The following KLHL7 variants were observed in gnomAD, a reference collection of about 807,000 sequenced individuals.
KLHL7 encodes kelch-like protein 7.
In KLHL7, 44 loss-of-function variants were observed where a neutral mutation model predicts 67.4. That is an observed-to-expected ratio of 0.65 (90% CI 0.51 to 0.84). KLHL7 has a LOEUF of 0.84. Ranked by LOEUF, KLHL7 falls within the 40% of genes least tolerant of loss-of-function variation. KLHL7 has a pLI of 0.00. For synonymous variants in KLHL7, 252 were observed against 243.3 expected, an observed-to-expected ratio of 1.04 and a Z score of -0.33; for missense variants, 362 against 718.1, an observed-to-expected ratio of 0.50 and a Z score of 5.67.
In KLHL7 at chr7:23,106,161, GGA is replaced by G. The variant is rs1297255021; in HGVS notation, c.120+17_120+18del. The G allele has an allele frequency of 6.2e-7, 1 of 1,608,162 alleles. No individual in the cohort carries two copies. Among genetic ancestry groups the G allele is most frequent in the African/African-American group, 1.3e-5 (1 of 74,892 alleles). ...TGCGGAAACAGGTACCGCCTCTGTGGGAGTGACGGACGACGGTGGGAGGTGGT... is the reference window on the plus strand; with the variant it reads ...TGCGGAAACAGGTACCGCCTCTGTGGGTGACGGACGACGGTGGGAGGTGGT... On this transcript the variant is annotated intron_variant, in intron 1 of 10. Transcript: ENST00000339077.
intron 4 of KLHL7, among the ~76,000 whole-genome samples, chr7:23,131,941 A>G (rs770024615): frequency 4.6e-5 from 7 of 152,044 alleles, no homozygotes; most frequent in Non-Finnish European, 1.0e-4. Context: ...CACTTAACAT[A>G]ATTATCTCCA....
intron 2 of KLHL7, 54 bp from the exon 3 acceptor site, chr7:23,124,634 C>A: frequency 9.5e-7 from 1 of 1,053,152 alleles, no homozygotes; most frequent in Non-Finnish European, 1.5e-6. Flanking sequence ...CGTGGTTCCT[C>A]AGTCAAACTT....
intron 1 of KLHL7, among the ~76,000 whole-genome samples, chr7:23,110,453 A>T (rs112335893): frequency 4.0e-4 from 61 of 152,002 alleles, no homozygotes; most frequent in African/African-American, 1.4e-3. Flanking sequence ...TCTTTGCTGG[A>T]TTCTTGCTAT....
At chr7:23,158,682 A>T (rs1351581245) in intron 7 of KLHL7, among the ~76,000 whole-genome samples, 1 of 152,242 alleles carries the variant, frequency 6.6e-6, no homozygotes, top group Non-Finnish European at 1.5e-5. Flanking sequence ...GTTGGACACC[A>T]GCAAGGGATA....
chr7:23,167,137 GAA>G (rs546148986), intron 8 of KLHL7, among the ~76,000 whole-genome samples: 1 of 144,242 alleles, frequency 6.9e-6, no homozygotes, highest in Non-Finnish European at 1.5e-5. Context: ...CCTTGGGAAG[GAA>G]AAAAAAAAGC....
chr7:23,113,817 A>C (rs572200857), intron 1 of KLHL7, among the ~76,000 whole-genome samples: 82 of 151,856 alleles, frequency 5.4e-4, no homozygotes, highest in African/African-American at 1.8e-3. Context: ...CAAGAGCGAA[A>C]CTCTGTCTCA....
chr7:23,143,820 A>G, intron 5 of KLHL7, 31 bp from the exon 6 acceptor site: 1 of 1,610,158 alleles, frequency 6.2e-7, no homozygotes, highest in Non-Finnish European at 8.5e-7. Flanking sequence ...CTGTCTTCTA[A>G]GAACTTTACT....
chr7:23,159,805 C>G (rs982578782), intron 7 of KLHL7, among the ~76,000 whole-genome samples: 1 of 152,222 alleles, frequency 6.6e-6, no homozygotes, highest in South Asian at 2.1e-4. Context: ...GCTAGGATTA[C>G]AGCCTTGCCC....
intron 1 of KLHL7, among the ~76,000 whole-genome samples, chr7:23,115,535 T>C (rs1783048284): frequency 2.0e-5 from 3 of 151,976 alleles, no homozygotes; most frequent in Admixed American, 1.3e-4. Context: ...GGACTCATTT[T>C]GGGTTTTTTT....
chr7:23,129,528 AT>A, intron 4 of KLHL7: 1 of 242,912 alleles, frequency 4.1e-6, no homozygotes, highest in Non-Finnish European at 8.2e-6. Context: ...CTTGGAGGTC[AT>A]TTAAACAACA....
chr7:23,164,932 A>G (rs858314), intron 7 of KLHL7, among the ~76,000 whole-genome samples: 11,384 of 152,276 alleles, frequency 0.075, 608 homozygotes, highest in African/African-American at 0.14. Context: ...TCAAAAAAAG[A>G]GAGGGTCCAA....
intron 4 of KLHL7, among the ~76,000 whole-genome samples, chr7:23,136,649 C>G (rs1040581792): frequency 2.6e-5 from 4 of 152,168 alleles, no homozygotes; most frequent in African/African-American, 9.7e-5. Context: ...CAGGCCACGT[C>G]CCCTGATTAC....
rs778971230 is a variant in KLHL7 at position 23,165,748 on chromosome 7, A to C, written c.987A>C (p.Ala329=). ...GCCCCTTTGAAAAACGAAGAGATGC[A>C]GCATGCGTGTTTTGGGACAATGTAG... ...IRCPFEKRRD[A]ACVFWDNVVY... The change falls in exon 8 of 11, where the codon GCA becomes GCC. Residue 329 remains alanine, a synonymous_variant. Coordinates refer to ENST00000339077, the MANE Select transcript of KLHL7 (RefSeq NM_001031710.3). The C allele has an allele frequency of 3.1e-6, 5 of 1,614,086 alleles. No homozygotes were observed. The highest frequency in any genetic ancestry group is 1.7e-6 in the Non-Finnish European group (2 of 1,179,934).
intron 4 of KLHL7, among the ~76,000 whole-genome samples, chr7:23,127,940 C>A (rs180990196): frequency 1.3e-5 from 2 of 151,410 alleles, no homozygotes; most frequent in East Asian, 3.9e-4. Flanking sequence ...ATGAATGGCT[C>A]CTGTAAGGCA....
intron 1 of KLHL7, among the ~76,000 whole-genome samples, chr7:23,110,605 G>A (rs1479180738): frequency 1.4e-5 from 2 of 145,874 alleles, no homozygotes; most frequent in Admixed American, 1.4e-4. Flanking sequence ...ATTTTCTTTT[G>A]TTTTTTTTTT....
chr7:23,149,093 T>A lies in KLHL7; in HGVS notation c.794-2974T>A, dbSNP rs555540815. Among the ~76,000 whole-genome samples, 50 of 152,218 alleles carry A rather than the reference T, an allele frequency of 3.3e-4. No individual in the cohort carries two copies. The South Asian group carries it at 4.8e-3, about 15-fold the overall frequency. On this transcript the variant is annotated intron_variant, in intron 6 of 10. Transcript: ENST00000339077. ...AATAACATAAAACTAAGCTTAAAAA[T>A]TTTACATCCAAAAGAAAATGAATTA...
chr7:23,145,121 A>G (rs1784315329), intron 6 of KLHL7, among the ~76,000 whole-genome samples: 1 of 152,126 alleles, frequency 6.6e-6, no homozygotes, highest in South Asian at 2.1e-4. Flanking sequence ...AAAGAAAGAT[A>G]GTTAAACTGA....
chr7:23,106,222 C>T (rs990456695), intron 1 of KLHL7, 76 bp downstream of exon 1: 89 of 1,565,932 alleles, frequency 5.7e-5, no homozygotes, highest in Non-Finnish European at 7.5e-5. Flanking sequence ...CGGGGTGGAA[C>T]CCCGCGCCCT....
chr7:23,124,934 G>T (rs2128460412), intron 3 of KLHL7, 114 bp from the exon 4 acceptor site: 1 of 1,154,180 alleles, frequency 8.7e-7, no homozygotes, highest in Non-Finnish European at 1.3e-6. Context: ...CTAATTCAAG[G>T]ACTGAAAGTT....
Sources: gnomAD v4.1 joint callset for allele counts (sites outside exome capture counted in the v4.1 genomes callset) on GRCh38, gnomAD v4.1.1 for gene constraint, MANE v1.5 for transcripts, NCBI Gene and HGNC (gene_info 2026-07-23, HGNC 2026-07-21) for gene names.